Variants in ARHGAP32 observed in about 807,000 individuals in gnomAD.
ARHGAP32 encodes the protein Rho GTPase activating protein 32.
In ARHGAP32, 51 loss-of-function variants were observed where a neutral mutation model predicts 186.5. That is an observed-to-expected ratio of 0.27 (90% confidence interval 0.22 to 0.35). The LOEUF is 0.35. Among genes scored for constraint, ARHGAP32 ranks in the 10% least tolerant of loss-of-function variants. ARHGAP32 has a pLI of 1.00. For missense variants in ARHGAP32, 2,186 were observed against 2,623.5 expected, an observed-to-expected ratio of 0.83 and a Z score of 3.64; for synonymous variants, 950 against 964.3, an observed-to-expected ratio of 0.99 and a Z score of 0.27.
intron 1 of ARHGAP32, among the ~76,000 whole-genome samples, chr11:129,248,967 G>T (rs142160966): frequency 6.6e-6 from 1 of 152,120 alleles, no homozygotes; most frequent in African/African-American, 2.4e-5. Flanking sequence ...TCCTCTAAAC[G>T]TGGTCACTTA....
intron 2 of ARHGAP32, among the ~76,000 whole-genome samples, chr11:129,133,175 T>A (rs1942854697): frequency 6.6e-6 from 1 of 151,254 alleles, no homozygotes; most frequent in Non-Finnish European, 1.5e-5. Flanking sequence ...GAGAAAAGAG[T>A]CAGTGAACCT....
At chr11:129,194,350 G>A (rs369199733), upstream of ARHGAP32, among the ~76,000 whole-genome samples, 1 of 152,134 alleles carries the variant, frequency 6.6e-6, no homozygotes, top group East Asian at 1.9e-4. Flanking sequence ...CTAACTTCCT[G>A]AGGAATAGAA....
At chr11:129,052,592 T>C (rs1018687031) in intron 10 of ARHGAP32, among the ~76,000 whole-genome samples, 3 of 151,988 alleles carry the variant, frequency 2.0e-5, no homozygotes, top group Non-Finnish European at 2.9e-5. Context: ...TTTCAGTATA[T>C]AGCTCTTTCA....
chr11:129,233,782 T>A (rs1434858745), intron 1 of ARHGAP32, among the ~76,000 whole-genome samples: 1 of 152,078 alleles, frequency 6.6e-6, no homozygotes, highest in African/African-American at 2.4e-5. Flanking sequence ...TGATATACTT[T>A]TTATATAAGG....
At chr11:128,986,484 G>C in intron 14 of ARHGAP32, 40 bp downstream of exon 14, 1 of 1,606,484 alleles carries the variant, frequency 6.2e-7, no homozygotes, top group South Asian at 1.1e-5. Flanking sequence ...GCACAGCAAA[G>C]TTCCACAAAG....
chr11:129,268,179 G>A (rs1031613768), intron 1 of ARHGAP32, among the ~76,000 whole-genome samples: 9 of 152,246 alleles, frequency 5.9e-5, no homozygotes, highest in East Asian at 1.9e-4. Flanking sequence ...CTTGTCCTAT[G>A]AGGAATAGTT....
At chr11:129,062,214 A>C in intron 10 of ARHGAP32, 66 bp downstream of exon 10, 2 of 1,397,136 alleles carry the variant, frequency 1.4e-6, no homozygotes, top group Non-Finnish European at 2.0e-6. Flanking sequence ...ATGTAAACAA[A>C]AGTATTACTG....
At chr11:129,150,335 C>T (rs1198661862) in intron 2 of ARHGAP32, among the ~76,000 whole-genome samples, 6 of 151,966 alleles carry the variant, frequency 3.9e-5, no homozygotes, top group African/African-American at 9.7e-5. Flanking sequence ...AAATATTCAC[C>T]GCAAAAAAAT....
At chr11:129,100,618 G>A (rs962156309) in intron 5 of ARHGAP32, among the ~76,000 whole-genome samples, 1 of 152,108 alleles carries the variant, frequency 6.6e-6, no homozygotes, top group African/African-American at 2.4e-5. Flanking sequence ...GACCACCACT[G>A]TAGACGGAGC....
chr11:129,040,167 AAT>A (rs1207221949), intron 11 of ARHGAP32, among the ~76,000 whole-genome samples: 2 of 152,138 alleles, frequency 1.3e-5, no homozygotes, highest in Non-Finnish European at 2.9e-5. Flanking sequence ...AAAACTAGAA[AAT>A]ACTATCATAA....
intron 2 of ARHGAP32, among the ~76,000 whole-genome samples, chr11:129,158,871 G>C (rs560660011): frequency 2.0e-5 from 3 of 151,522 alleles, no homozygotes; most frequent in Non-Finnish European, 4.4e-5. Context: ...CCAAACAATA[G>C]GCAATCAAAA....
At chr11:129,103,987 A>C (rs1008403733) in intron 5 of ARHGAP32, among the ~76,000 whole-genome samples, 9 of 152,150 alleles carry the variant, frequency 5.9e-5, no homozygotes, top group African/African-American at 2.2e-4. Context: ...AAGTAACTAT[A>C]AAACACCTAA....
chr11:129,146,736 C>A lies in ARHGAP32; in HGVS notation c.225+17583G>T, dbSNP rs1293810419. Among the ~76,000 whole-genome samples the A allele has an allele frequency of 2.0e-5, 3 of 151,974 alleles. No individual in the cohort carries two copies. The South Asian group carries it at 6.2e-4, about 32-fold the overall frequency. ...TTAAATGACTATAATAAATATAAAA[C>A]TCCTTAAATTTTTAAGTTCCAAAAT... On this transcript the variant is annotated intron_variant, in intron 2 of 22. Transcript: ENST00000682385.
chr11:129,046,346 T>C (rs1939804741), intron 10 of ARHGAP32, among the ~76,000 whole-genome samples: 1 of 145,236 alleles, frequency 6.9e-6, no homozygotes, highest in Admixed American at 6.7e-5. Context: ...ATATATACCT[T>C]AATTTTTAAT....
intron 11 of ARHGAP32, among the ~76,000 whole-genome samples, chr11:129,013,307 A>C (rs1033616214): frequency 1.3e-5 from 2 of 152,180 alleles, no homozygotes; most frequent in African/African-American, 4.8e-5. Context: ...CTTTCCACAA[A>C]ACATTGCTAC....
At chr11:129,173,808 C>T (rs1156340881) in intron 1 of ARHGAP32, among the ~76,000 whole-genome samples, 2 of 151,920 alleles carry the variant, frequency 1.3e-5, no homozygotes, top group Non-Finnish European at 2.9e-5. Flanking sequence ...CATTGAAATA[C>T]TAAATGATTT....
intron 5 of ARHGAP32, among the ~76,000 whole-genome samples, chr11:129,120,855 G>C (rs1420982893): frequency 3.3e-5 from 5 of 152,054 alleles, no homozygotes; most frequent in African/African-American, 4.8e-5. Context: ...ATATTAAAAA[G>C]CAACAACCAA....
chr11:129,022,892 T>C (rs1938657741), intron 11 of ARHGAP32, among the ~76,000 whole-genome samples: 1 of 152,204 alleles, frequency 6.6e-6, no homozygotes, highest in African/African-American at 2.4e-5. Context: ...CTAAATGCCA[T>C]ATAGCATTCT....
intron 1 of ARHGAP32, among the ~76,000 whole-genome samples, chr11:129,224,948 T>TA (rs1290234294): frequency 1.3e-5 from 2 of 151,706 alleles, no homozygotes; most frequent in South Asian, 2.1e-4. Flanking sequence ...TCTATCTCTA[T>TA]AAAAAATTAA....
Sources: allele counts gnomAD v4.1 joint callset (sites outside exome capture counted in the v4.1 genomes callset), GRCh38; gene constraint gnomAD v4.1.1; transcripts MANE v1.5; gene names NCBI Gene and HGNC (gene_info 2026-07-23, HGNC 2026-07-21).